CCNY: variants seen among roughly 807,000 people sequenced by gnomAD.
The protein encoded by CCNY is cyclin Y, also known as cyclin-Y.
In CCNY, 19 loss-of-function variants were observed where a neutral mutation model predicts 42.8. The ratio of observed to expected loss-of-function variants is 0.44; its 90% confidence interval spans 0.31 to 0.65. The LOEUF is 0.65. Among genes scored for constraint, CCNY ranks in the 30% least tolerant of loss-of-function variants. The probability of loss-of-function intolerance (pLI) is 0.07; values close to 1 mark genes in which losing one functional copy is unlikely to be tolerated. For synonymous variants in CCNY, 165 were observed against 162.7 expected (o/e 1.01, Z -0.11); for missense variants, 370 against 437.3 (o/e 0.85, Z 1.37).
chr10:35,279,342 G>T (rs1379066291), intron 3 of CCNY, among the ~76,000 whole-genome samples: 1 of 151,924 alleles, frequency 6.6e-6, no homozygotes, highest in African/African-American at 2.4e-5. Flanking sequence ...TTGAACTCCT[G>T]GCCTCAAGCA....
intron 3 of CCNY, among the ~76,000 whole-genome samples, chr10:35,319,741 G>C (rs1032363972): frequency 2.0e-5 from 3 of 152,016 alleles, no homozygotes; most frequent in Admixed American, 1.3e-4. Flanking sequence ...CTCATCTCAG[G>C]AGTTTGGGAC....
chr10:35,556,344 G>A (rs1340142578), intron 8 of CCNY, among the ~76,000 whole-genome samples: 1 of 152,206 alleles, frequency 6.6e-6, no homozygotes, highest in African/African-American at 2.4e-5. Flanking sequence ...GTGCTCCTCT[G>A]CTTTCCTTGC....
At chr10:35,328,360 G>A (rs139530032) in intron 3 of CCNY, among the ~76,000 whole-genome samples, 2 of 152,318 alleles carry the variant, frequency 1.3e-5, no homozygotes, top group Non-Finnish European at 2.9e-5. Context: ...CGTGAAAATG[G>A]AGCTGGGATA....
chr10:35,279,625 C>T (rs1835277208), intron 3 of CCNY, among the ~76,000 whole-genome samples: 1 of 152,202 alleles, frequency 6.6e-6, no homozygotes, highest in South Asian at 2.1e-4. Context: ...AGGAAGGCCT[C>T]ATTCAGAGAC....
At chr10:35,255,113 A>T (rs989242116) in intron 3 of CCNY, among the ~76,000 whole-genome samples, 3 of 151,792 alleles carry the variant, frequency 2.0e-5, no homozygotes, top group Non-Finnish European at 4.4e-5. Context: ...ATATAACTGT[A>T]TATGTCTAAT....
chr10:35,359,271 G>A (rs996059937), intron 1 of CCNY, among the ~76,000 whole-genome samples: 3 of 152,158 alleles, frequency 2.0e-5, no homozygotes, highest in African/African-American at 7.2e-5. Context: ...GCTGTTCTTG[G>A]GGCCTGTTTT....
At chr10:35,343,668 G>A (rs373661122) in intron 1 of CCNY, among the ~76,000 whole-genome samples, 15 of 152,168 alleles carry the variant, frequency 9.9e-5, no homozygotes, top group African/African-American at 3.6e-4. Context: ...GGGATTATAG[G>A]TGTGAGCCAC....
chr10:35,355,640 T>G (rs1190324589), intron 1 of CCNY, among the ~76,000 whole-genome samples: 1 of 118,330 alleles, frequency 8.5e-6, no homozygotes, highest in Non-Finnish European at 1.6e-5. Context: ...ATTGCGCCAT[T>G]GCACTCCAGC....
At chr10:35,385,027 G>T (rs1429216675) in intron 1 of CCNY, among the ~76,000 whole-genome samples, 1 of 152,124 alleles carries the variant, frequency 6.6e-6, no homozygotes, top group Non-Finnish European at 1.5e-5. Context: ...CACAATGTCA[G>T]ATCTACAGCC....
chr10:35,465,776 C>T (rs532049989), intron 1 of CCNY, among the ~76,000 whole-genome samples: 3 of 152,088 alleles, frequency 2.0e-5, no homozygotes, highest in Non-Finnish European at 4.4e-5. Context: ...GCGTGAGGCC[C>T]GTCGAAATCT....
intron 1 of CCNY, among the ~76,000 whole-genome samples, chr10:35,389,698 A>C (rs1485015699): frequency 6.6e-6 from 1 of 152,106 alleles, no homozygotes; most frequent in Non-Finnish European, 1.5e-5. Context: ...TGGCCTCCCA[A>C]GGTGCTGGGA....
At chr10:35,342,493 A>G (rs1347782065) in intron 1 of CCNY, among the ~76,000 whole-genome samples, 1 of 152,238 alleles carries the variant, frequency 6.6e-6, no homozygotes, top group Non-Finnish European at 1.5e-5. Flanking sequence ...CCATGGGTCC[A>G]TGACCTGTCT....
At chr10:35,412,488 C>T (rs1343962090) in intron 1 of CCNY, among the ~76,000 whole-genome samples, 1 of 151,962 alleles carries the variant, frequency 6.6e-6, no homozygotes, top group Admixed American at 6.6e-5. Context: ...GAAGGGCTGG[C>T]AGCAGGGAAG....
intron 3 of CCNY, chr10:35,327,606 T>G (rs1280742431): frequency 1.3e-5 from 2 of 152,210 alleles, no homozygotes. Flanking sequence ...GCTACTGTAT[T>G]TGCAATATTA....
intron 3 of CCNY, among the ~76,000 whole-genome samples, chr10:35,288,010 A>G (rs997137590): frequency 2.0e-5 from 3 of 152,204 alleles, no homozygotes; most frequent in African/African-American, 7.2e-5. Context: ...TGATAAATAT[A>G]TGTTTTACTT....
At chr10:35,533,351 T>C (rs754720070) in intron 7 of CCNY, among the ~76,000 whole-genome samples, 4 of 152,208 alleles carry the variant, frequency 2.6e-5, no homozygotes, top group African/African-American at 4.8e-5. Flanking sequence ...GGTTCCCATC[T>C]TCCTCAAAGG....
chr10:35,407,769 A>G (rs1837812297), intron 1 of CCNY, among the ~76,000 whole-genome samples: 1 of 151,996 alleles, frequency 6.6e-6, no homozygotes, highest in Non-Finnish European at 1.5e-5. Flanking sequence ...GTTTAAAGAG[A>G]AGGGTAGAGA....
intron 1 of CCNY, among the ~76,000 whole-genome samples, chr10:35,362,965 T>C (rs1164206549): frequency 6.6e-6 from 1 of 151,356 alleles, no homozygotes; most frequent in Non-Finnish European, 1.5e-5. Context: ...ACAGAGGCGC[T>C]CCTCACTTCC....
intron 1 of CCNY, among the ~76,000 whole-genome samples, chr10:35,437,660 T>C (rs1333410579): frequency 6.6e-6 from 1 of 151,370 alleles, no homozygotes; most frequent in African/African-American, 2.4e-5. Flanking sequence ...AGACTCTGTC[T>C]CAAAAAAAAA....
Sources: allele counts gnomAD v4.1 joint callset (sites outside exome capture counted in the v4.1 genomes callset), GRCh38; gene constraint gnomAD v4.1.1; transcripts MANE v1.5; gene names NCBI Gene and HGNC (gene_info 2026-07-23, HGNC 2026-07-21).